Variants in GTSE1 observed in about 807,000 individuals in gnomAD.
The protein encoded by GTSE1 is G2 and S-phase expressed 1.
Under a neutral mutation model 60.5 loss-of-function variants are expected in GTSE1, and 52 were observed. The observed-to-expected ratio is 0.86, with a 90% confidence interval of 0.69 to 1.08. The LOEUF is 1.08. GTSE1 is among the 50% of genes least tolerant of loss of function. The pLI is 0.00. For synonymous variants in GTSE1, 368 were observed against 386.5 expected (o/e 0.95, Z 0.56); for missense variants, 937 against 961.8 (o/e 0.97, Z 0.34).
chr22:46,328,578 G>A, intron 9 of GTSE1, 110 bp from the exon 10 acceptor site: 1 of 780,856 alleles, frequency 1.3e-6, no homozygotes, highest in Non-Finnish European at 2.1e-6. Context: ...CTAGAGCCGG[G>A]ACGCACTCCA....
intron 2 of GTSE1, among the ~76,000 whole-genome samples, chr22:46,298,321 T>G (rs569930911): frequency 8.8e-4 from 130 of 148,344 alleles, no homozygotes; most frequent in African/African-American, 3.0e-3. Flanking sequence ...GGATCCTTTC[T>G]TTTTGAGACC....
At position 46,329,026 on chromosome 22, in the gene GTSE1, C is replaced by G; in HGVS notation, c.1926+137C>G. The G allele has an allele frequency of 1.4e-6, 1 of 706,930 alleles. No individual in the cohort carries two copies. The highest frequency in any genetic ancestry group is 2.4e-6 in the Non-Finnish European group (1 of 418,292). The allele number at this position is 706,930 out of a possible 1,614,324, so 43.8% of individuals were successfully genotyped here. The stretch of plus-strand genomic sequence containing the variant: ...CTGGGGCCAGTGCCTCCGTGCCAAG[C>G]AACCCAAAGGGAGGCAGTCAGGACT... On this transcript the variant is annotated intron_variant, in intron 10 of 11. Transcript: ENST00000454366. This position sits in a 1 kb window ranked among gnomAD's most constrained non-coding sequence, Gnocchi z 6.4.
intron 8 of GTSE1, among the ~76,000 whole-genome samples, chr22:46,323,780 C>T (rs12157769): frequency 0.04 from 6,124 of 152,108 alleles, 422 homozygotes; most frequent in African/African-American, 0.14. Context: ...CTCCACCTCC[C>T]GGGTTCACGC....
chr22:46,316,299 C>G lies in GTSE1; in HGVS notation c.1319C>G (p.Ser440Cys). ...WLNSSCAWSE[S>C]SQLNKTRSIR... is the part of the protein sequence containing the mutation. ...AACTCCAGTTGCGCTTGGTCAGAAT[C>G]TTCTCAATTGAATAAGACTAGAAGT... The change falls in exon 7 of 12, where the codon TCT (serine) becomes TGT (cysteine). Residue 440 changes from serine (S) to cysteine (C), a missense_variant. By Grantham distance (112) the Ser-to-Cys change is moderately radical. Transcript: ENST00000454366. The surrounding 1 kb of genome is among the most constrained non-coding windows in gnomAD (Gnocchi z 5.0). 6.2e-7 allele frequency: 1 copy of G among 1,614,106 alleles called. No homozygotes were observed. Among genetic ancestry groups the G allele is most frequent in the Non-Finnish European group, 8.5e-7 (1 of 1,179,994 alleles).
In GTSE1 at chr22:46,330,166, T is replaced by C. The variant is rs753138870; in HGVS notation, c.*36T>C. On this transcript the variant is annotated 3_prime_UTR_variant, in exon 12 of 12. Transcript: ENST00000454366. The surrounding 1 kb of genome is among the most constrained non-coding windows in gnomAD (Gnocchi z 6.0). ...ATCCTTTGCCTTGAAAGAACAGCCCTAAAGTGGTTTTCAACCCTCAGAAAC... is the reference window on the plus strand; with the variant it reads ...ATCCTTTGCCTTGAAAGAACAGCCCCAAAGTGGTTTTCAACCCTCAGAAAC... 1.6e-5 allele frequency: 21 copies of C among 1,328,550 alleles called. No individual in the cohort carries two copies. Among genetic ancestry groups the C allele is most frequent in the Non-Finnish European group, 2.2e-5 (20 of 919,518 alleles). 82.3% of individuals were successfully genotyped at this position (1,328,550 alleles called of 1,614,324 possible). A position where few individuals can be genotyped will look rare whatever the true frequency, so the allele number is the denominator to read the frequency against.
intron 2 of GTSE1, among the ~76,000 whole-genome samples, chr22:46,301,744 C>A (rs942670824): frequency 6.6e-6 from 1 of 152,136 alleles, no homozygotes; most frequent in African/African-American, 2.4e-5. Flanking sequence ...CCGCCTCGAC[C>A]TTCCAAAGTG....
chr22:46,300,581 A>T (rs962565975), intron 2 of GTSE1, among the ~76,000 whole-genome samples: 1 of 151,954 alleles, frequency 6.6e-6, no homozygotes, highest in African/African-American at 2.4e-5. Context: ...AGGTGTTCCC[A>T]CCTCTACATG....
At chr22:46,311,468 G>A (rs867590533) in intron 4 of GTSE1, among the ~76,000 whole-genome samples, 27 of 152,312 alleles carry the variant, frequency 1.8e-4, no homozygotes, top group Middle Eastern at 3.4e-3. Context: ...AACCACTGAA[G>A]TATACTGTTT....
chr22:46,323,084 G>A (rs996403698), intron 7 of GTSE1, 106 bp from the exon 8 acceptor site: 21 of 800,236 alleles, frequency 2.6e-5, no homozygotes, highest in Non-Finnish European at 6.8e-6. Flanking sequence ...ACTCAAGTTG[G>A]GACAGTGGAG....
At position 46,313,167 on chromosome 22, in the gene GTSE1, A is replaced by T. The variant is rs1403033308; in HGVS notation, c.928-723A>T. Among the ~76,000 whole-genome samples the T allele has an allele frequency of 3.2e-5, 4 of 125,172 alleles. No individual in the cohort carries two copies. Among genetic ancestry groups the T allele is most frequent in the East Asian group, 4.3e-4 (2 of 4,608 alleles). The allele number at this position is 125,172 out of a possible 152,430, so 82.1% of individuals were successfully genotyped here. A position where few individuals can be genotyped will look rare whatever the true frequency, so the allele number is the denominator to read the frequency against. On this transcript the variant is annotated intron_variant, in intron 5 of 11. Transcript: ENST00000454366. This position sits in a 1 kb window ranked among gnomAD's most constrained non-coding sequence, Gnocchi z 4.4. Reference sequence around the variant, plus strand: ...TGGGCAACAGAGTGAGACCCTGTCTAAAAAAAAAAAAAAAAAAAAGGAAAA... The same window carrying T: ...TGGGCAACAGAGTGAGACCCTGTCTTAAAAAAAAAAAAAAAAAAAGGAAAA...
In GTSE1 at chr22:46,309,057, A is replaced by G. The variant is rs565932345; in HGVS notation, c.762+114A>G. ...AGGTGGCGAGTCTCTGAGGCCTACA[A>G]AACACAGGAATGCGGAGTCCAGGAA... On this transcript the variant is annotated intron_variant, in intron 4 of 11. Coordinates refer to ENST00000454366, the MANE Select transcript of GTSE1 (RefSeq NM_016426.7). The surrounding 1 kb of genome is among the most constrained non-coding windows in gnomAD (Gnocchi z 6.2). The G allele has an allele frequency of 2.6e-5, 31 of 1,173,438 alleles. No individual in the cohort carries two copies. In the South Asian group the frequency reaches 4.8e-4, roughly 18 times the overall value. 72.7% of individuals were successfully genotyped at this position (1,173,438 alleles called of 1,614,324 possible).
chr22:46,330,003 C>G lies in GTSE1; in HGVS notation c.2137-44C>G, dbSNP rs1173494863. 8.3e-7 allele frequency: 1 copy of G among 1,199,224 alleles called. No individual in the cohort carries two copies. Among genetic ancestry groups the G allele is most frequent in the Non-Finnish European group, 1.2e-6 (1 of 801,506 alleles). The allele number at this position is 1,199,224 out of a possible 1,614,324, so 74.3% of individuals were successfully genotyped here. A position where few individuals can be genotyped will look rare whatever the true frequency, so the allele number is the denominator to read the frequency against. On this transcript the variant is annotated intron_variant, in intron 11 of 11. Coordinates refer to ENST00000454366, the MANE Select transcript of GTSE1 (RefSeq NM_016426.7). The surrounding 1 kb of genome is among the most constrained non-coding windows in gnomAD (Gnocchi z 6.0). ...CTGTGCAGGGAGGGGAAGGGAGGCC[C>G]TAGCCGGATCCACGCTCACCTCCTC...
chr22:46,329,645 A>C lies in GTSE1; in HGVS notation c.2136+78A>C. ...TGGGATTGTTCATCCTCCCAGGGCC[A>C]TCGTGGGACCCTTGAGAGTGGCTGT... On this transcript the variant is annotated intron_variant, in intron 11 of 11. Transcript: ENST00000454366. This position sits in a 1 kb window ranked among gnomAD's most constrained non-coding sequence, Gnocchi z 6.4. The C allele has an allele frequency of 8.8e-7, 1 of 1,132,350 alleles. No homozygotes were observed. Among genetic ancestry groups the C allele is most frequent in the Non-Finnish European group, 1.3e-6 (1 of 749,058 alleles). The allele number at this position is 1,132,350 out of a possible 1,614,324, so 70.1% of individuals were successfully genotyped here.
intron 2 of GTSE1, among the ~76,000 whole-genome samples, chr22:46,303,589 A>G (rs2077701203): frequency 1.3e-5 from 2 of 152,158 alleles, no homozygotes; most frequent in African/African-American, 4.8e-5. Flanking sequence ...TGGAGATGTC[A>G]TTGCCACGTG....
intron 9 of GTSE1, among the ~76,000 whole-genome samples, chr22:46,327,572 G>A (rs1482995338): frequency 6.6e-6 from 1 of 152,106 alleles, no homozygotes; most frequent in Non-Finnish European, 1.5e-5. Context: ...CTACTCAGGC[G>A]GCTGAGGCAG....
chr22:46,307,058 C>T (rs1017916762), intron 2 of GTSE1, among the ~76,000 whole-genome samples: 5 of 152,126 alleles, frequency 3.3e-5, no homozygotes, highest in Non-Finnish European at 7.3e-5. Context: ...TTGCGGGGAG[C>T]TGGAGGAGGG....
rs375069549 is a variant in GTSE1 at position 46,314,134 on chromosome 22, G to A, written c.1051+121G>A. 9 of 1,235,030 alleles carry A rather than the reference G, an allele frequency of 7.3e-6. No individual in the cohort carries two copies. The highest frequency in any genetic ancestry group is 2.4e-5 in the East Asian group (1 of 42,072). The allele number at this position is 1,235,030 out of a possible 1,614,324, so 76.5% of individuals were successfully genotyped here. A position where few individuals can be genotyped will look rare whatever the true frequency, so the allele number is the denominator to read the frequency against. ...GGCTTGGCAGGACGTCCCGGAGGGC[G>A]TGCTGTGTGCGGTGGACCAGGCTGT... is the stretch of plus-strand genomic sequence containing the variant. On this transcript the variant is annotated intron_variant, in intron 6 of 11. Coordinates refer to ENST00000454366, the MANE Select transcript of GTSE1 (RefSeq NM_016426.7). The surrounding 1 kb of genome is among the most constrained non-coding windows in gnomAD (Gnocchi z 7.1).
intron 2 of GTSE1, among the ~76,000 whole-genome samples, chr22:46,299,340 T>C (rs903575554): frequency 6.6e-6 from 1 of 152,260 alleles, no homozygotes; most frequent in Non-Finnish European, 1.5e-5. Flanking sequence ...GCACCCACGT[T>C]TTGTCTTGAG....
rs1351775201 is a variant in GTSE1, at chr22:46,318,747, C to T, written c.1432+2335C>T. On this transcript the variant is annotated intron_variant, in intron 7 of 11. Coordinates refer to ENST00000454366, the MANE Select transcript of GTSE1 (RefSeq NM_016426.7). This position sits in a 1 kb window ranked among gnomAD's most constrained non-coding sequence, Gnocchi z 4.8. ...ACGTGCTCTGGGAGCAGCATGGGGG[C>T]CGGAGGGTGGGAGTGCAGCCGCTGC... 6.6e-6 allele frequency among the ~76,000 whole-genome samples: 1 copy of T among 152,074 alleles called. No homozygotes were observed.
Sources: gnomAD v4.1 joint callset for allele counts (sites outside exome capture counted in the v4.1 genomes callset) on GRCh38, gnomAD v4.1.1 for gene constraint, Gnocchi (gnomAD v3.1) non-coding constraint, MANE v1.5 for transcripts, NCBI Gene and HGNC (gene_info 2026-07-23, HGNC 2026-07-21) for gene names.